Variants in HYAL4 observed in about 807,000 individuals in gnomAD.
The protein encoded by HYAL4 is hyaluronidase 4.
A neutral mutation model predicts 35.2 loss-of-function variants in HYAL4; 37 were observed. That is an observed-to-expected ratio of 1.05 (90% CI 0.81 to 1.38). The LOEUF is 1.38. HYAL4 is among the 40% of genes most tolerant of loss of function. The pLI is 0.00. For missense variants in HYAL4, 572 were observed against 572.4 expected (o/e 1.00, Z 0.01); for synonymous variants, 198 against 203.2 (o/e 0.97, Z 0.22).
the HYAL4 span, among the ~76,000 whole-genome samples, chr7:123,791,402 C>T: frequency 2.4e-4 from 37 of 152,276 alleles, no homozygotes; most frequent in South Asian, 1.0e-3. Context: ...TGAATAGCTT[C>T]TTTACACTCA....
intron 2 of HYAL4, among the ~76,000 whole-genome samples, chr7:123,857,262 T>A (rs1806460268): frequency 6.6e-6 from 1 of 152,166 alleles, no homozygotes; most frequent in Admixed American, 6.5e-5. Flanking sequence ...GCTTGGTGTC[T>A]GCTGAAATGG....
chr7:123,872,432 T>C (rs960193230), intron 3 of HYAL4, among the ~76,000 whole-genome samples: 1 of 152,202 alleles, frequency 6.6e-6, no homozygotes, highest in Non-Finnish European at 1.5e-5. Context: ...TCATTAGTAA[T>C]GCTCCAGCTC....
chr7:123,808,934 A>G, the HYAL4 span, among the ~76,000 whole-genome samples: 1 of 152,170 alleles, frequency 6.6e-6, no homozygotes, highest in Non-Finnish European at 1.5e-5. Flanking sequence ...CTTCCAAATC[A>G]TCTCCCAAAG....
intron 2 of HYAL4, among the ~76,000 whole-genome samples, chr7:123,853,526 C>T (rs1440972186): frequency 2.6e-5 from 4 of 152,126 alleles, no homozygotes; most frequent in Non-Finnish European, 4.4e-5. Context: ...GTATGGATTA[C>T]GTTTATTGAT....
At chr7:123,849,934 A>C (rs80056886) in intron 2 of HYAL4, among the ~76,000 whole-genome samples, 1 of 116,694 alleles carries the variant, frequency 8.6e-6, no homozygotes, top group African/African-American at 3.3e-5. Flanking sequence ...CTATGTAGAA[A>C]CATGTTTCTA....
intron 2 of HYAL4, among the ~76,000 whole-genome samples, chr7:123,852,832 T>C (rs1806343079): frequency 6.6e-6 from 1 of 152,200 alleles, no homozygotes; most frequent in African/African-American, 2.4e-5. Flanking sequence ...TTGGGCAGTA[T>C]GGCCATTTTC....
At chr7:123,827,365 T>C (rs1506639), upstream of HYAL4, among the ~76,000 whole-genome samples, 78,668 of 151,902 alleles carry the variant, frequency 0.52, 21,263 homozygotes, top group Non-Finnish European at 0.59. Flanking sequence ...TGAAGTTGAT[T>C]ATATTTGCCA....
upstream of HYAL4, among the ~76,000 whole-genome samples, chr7:123,825,210 T>A (rs190763446): frequency 6.6e-6 from 1 of 152,184 alleles, no homozygotes; most frequent in East Asian, 1.9e-4. Flanking sequence ...GTCTTTTTTT[T>A]AACCACGTTA....
chr7:123,811,259 A>G, the HYAL4 span, among the ~76,000 whole-genome samples: 23 of 152,258 alleles, frequency 1.5e-4, no homozygotes, highest in East Asian at 3.5e-3. Context: ...TTTGTGAGAA[A>G]TTGCCAAACT....
At chr7:123,876,695 T>C (rs1807034012) in intron 4 of HYAL4, 59 bp from the exon 5 acceptor site, 1 of 1,537,872 alleles carries the variant, frequency 6.5e-7, no homozygotes, top group Admixed American at 1.9e-5. Flanking sequence ...AAAATCGATT[T>C]CTTTGTACAT....
At chr7:123,765,112 A>G in the HYAL4 span, among the ~76,000 whole-genome samples, 2 of 152,176 alleles carry the variant, frequency 1.3e-5, no homozygotes, top group African/African-American at 4.8e-5. Flanking sequence ...TTAATTTTTA[A>G]TTAATAAAAA....
intron 2 of HYAL4, among the ~76,000 whole-genome samples, chr7:123,867,500 A>G (rs1324450458): frequency 6.6e-6 from 1 of 152,044 alleles, no homozygotes; most frequent in African/African-American, 2.4e-5. Flanking sequence ...CCGAGAAAGG[A>G]ACCCAGATAA....
chr7:123,853,958 G>A (rs554241690), intron 2 of HYAL4, among the ~76,000 whole-genome samples: 1 of 152,230 alleles, frequency 6.6e-6, no homozygotes, highest in Non-Finnish European at 1.5e-5. Context: ...AGTCTTGGGA[G>A]GGTGTATGTT....
rs1807056914 is a variant in HYAL4 at position 123,877,391 on chromosome 7, A to C, written c.*236A>C. 2.4e-6 allele frequency: 1 copy of C among 419,534 alleles called. No homozygotes were observed. The highest frequency in any genetic ancestry group is 4.2e-6 in the Non-Finnish European group (1 of 237,310). 26.0% of individuals were successfully genotyped at this position (419,534 alleles called of 1,614,324 possible). Reference sequence around the variant, plus strand: ...CTCCTTATTGGAATATTTAAGTTGCATTTAAACTAAAACTAGTATAATTTA... The same window carrying C: ...CTCCTTATTGGAATATTTAAGTTGCCTTTAAACTAAAACTAGTATAATTTA... On this transcript the variant is annotated 3_prime_UTR_variant, in exon 5 of 5. Transcript: ENST00000223026.
the HYAL4 span, among the ~76,000 whole-genome samples, chr7:123,798,323 G>A: frequency 3.3e-5 from 5 of 152,264 alleles, no homozygotes; most frequent in Non-Finnish European, 7.3e-5. Context: ...TACTTGCTCA[G>A]TGCTTTATTC....
chr7:123,829,348 T>C (rs1222802894), intron 1 of HYAL4: 1 of 152,188 alleles, frequency 6.6e-6, no homozygotes, highest in Non-Finnish European at 1.5e-5. Context: ...CTTCTGTGAT[T>C]CTGCTAAAAA....
intron 2 of HYAL4, among the ~76,000 whole-genome samples, chr7:123,864,239 A>G (rs1584923186): frequency 6.6e-6 from 1 of 152,162 alleles, no homozygotes; most frequent in African/African-American, 2.4e-5. Context: ...TGAGTATGTC[A>G]TTTCATTGAA....
At chr7:123,842,591 G>A (rs949087710), upstream of HYAL4, among the ~76,000 whole-genome samples, 1 of 151,998 alleles carries the variant, frequency 6.6e-6, no homozygotes, top group Non-Finnish European at 1.5e-5. Context: ...AATATTGACA[G>A]TGTGGTGTTA....
In HYAL4 at chr7:123,848,102, A is replaced by T. The variant is rs924976819; in HGVS notation, c.-108A>T. ...AACCACGCACAGGACATCCTTTGCC[A>T]TTCAACCTCTGATTTGCACAAGGTG... On this transcript the variant is annotated 5_prime_UTR_variant, in exon 2 of 5. Coordinates refer to ENST00000223026, the MANE Select transcript of HYAL4 (RefSeq NM_012269.3). 6.6e-6 allele frequency: 1 copy of T among 152,650 alleles called. No homozygotes were observed. Among genetic ancestry groups the T allele is most frequent in the Admixed American group, 6.5e-5 (1 of 15,272 alleles). The allele number at this position is 152,650 out of a possible 1,614,324, so 9.5% of individuals were successfully genotyped here. A position where few individuals can be genotyped will look rare whatever the true frequency, so the allele number is the denominator to read the frequency against.
Sources: allele counts gnomAD v4.1 joint callset (sites outside exome capture counted in the v4.1 genomes callset), GRCh38; gene constraint gnomAD v4.1.1; transcripts MANE v1.5; gene names NCBI Gene and HGNC (gene_info 2026-07-23, HGNC 2026-07-21).